The following MORC4 variants were observed in gnomAD, a reference collection of about 807,000 sequenced individuals.
MORC4 encodes the protein MORC family CW-type zinc finger 4, also known as MORC family CW-type zinc finger protein 4.
A neutral mutation model predicts 65.5 loss-of-function variants in MORC4; 22 were observed. That is an observed-to-expected ratio of 0.34 (90% CI 0.24 to 0.48). MORC4 has a LOEUF of 0.48. Ranked by LOEUF, MORC4 falls within the 20% of genes least tolerant of loss-of-function variation. The pLI is 0.99. For missense variants in MORC4, 624 were observed against 703.0 expected, an observed-to-expected ratio of 0.89 and a Z score of 1.27; for synonymous variants, 267 against 255.8, an observed-to-expected ratio of 1.04 and a Z score of -0.42.
At chrX:106,983,198 T>C (rs1320019807) in intron 5 of MORC4, among the ~76,000 whole-genome samples, 2 of 112,058 alleles carry the variant, frequency 1.8e-5, no homozygotes, top group South Asian at 3.7e-4. Flanking sequence ...TAGTACCATA[T>C]ACATAACTGG....
At chrX:106,961,984 A>G (rs372047984) in intron 10 of MORC4, 28 bp downstream of exon 10, 3 of 1,051,996 alleles carry the variant, frequency 2.9e-6, no homozygotes, top group East Asian at 6.0e-5. Flanking sequence ...TACCCCTAAT[A>G]CATTCATATT....
chrX:106,985,314 G>C lies in MORC4; in HGVS notation c.527-71C>G, dbSNP rs1418194496. ...ATTGAGAAGGAAGATCTGCCCTTTG[G>C]ATTGCATATTTAGACAAAACTATAG... is the stretch of plus-strand genomic sequence containing the variant. On this transcript the variant is annotated intron_variant, in intron 4 of 16. Transcript: ENST00000355610. 1.3e-5 allele frequency: 11 copies of C among 816,731 alleles called. No homozygotes were observed. The East Asian group carries it at 3.6e-4, about 27-fold the overall frequency. 67.3% of individuals were successfully genotyped at this position (816,731 alleles called of 1,213,427 possible).
intron 2 of MORC4, among the ~76,000 whole-genome samples, chrX:106,998,503 T>C (rs970148034): frequency 8.9e-6 from 1 of 112,150 alleles, no homozygotes; most frequent in Non-Finnish European, 1.9e-5. Flanking sequence ...CATCCCCCAC[T>C]ATGTAAATCA....
At chrX:106,980,828 C>T in intron 7 of MORC4, 63 bp downstream of exon 7, 3 of 1,091,764 alleles carry the variant, frequency 2.7e-6, no homozygotes, top group Non-Finnish European at 2.5e-6. Context: ...TCTGTGTCAA[C>T]CTGAAAACTT....
At chrX:106,994,179 G>A (rs942017480) in intron 2 of MORC4, among the ~76,000 whole-genome samples, 7 of 112,280 alleles carry the variant, frequency 6.2e-5, no homozygotes, top group African/African-American at 1.3e-4. Flanking sequence ...ATTGTGTCAC[G>A]TCCACAACCC....
At chrX:106,971,887 A>C (rs892945947) in intron 9 of MORC4, among the ~76,000 whole-genome samples, 3 of 112,306 alleles carry the variant, frequency 2.7e-5, no homozygotes, top group African/African-American at 9.7e-5. Context: ...AAATTAGTTC[A>C]ACCATTGTGG....
intron 10 of MORC4, 90 bp from the exon 11 acceptor site, chrX:106,958,554 A>T: frequency 1.3e-6 from 1 of 780,388 alleles, no homozygotes; most frequent in Non-Finnish European, 1.8e-6. Flanking sequence ...AAAAGAAAGA[A>T]CCTAATTTCA....
At position 106,943,189 on chromosome X, in the gene MORC4, G is replaced by A; in HGVS notation, c.1702C>T (p.Leu568=). 1 of 1,198,448 alleles carries A rather than the reference G, an allele frequency of 8.3e-7. No individual in the cohort carries two copies. The highest frequency in any genetic ancestry group is 1.1e-6 in the Non-Finnish European group (1 of 884,993). Reference sequence around the variant, plus strand: ...CGTTTCTCCACCGGTTCTTCACCTAGGATCCATTTGTACTTACTGCAAGAA... The same window carrying A: ...CGTTTCTCCACCGGTTCTTCACCTAAGATCCATTTGTACTTACTGCAAGAA... ...LQFSSKYKWI[L]GEEPVEKRRR... is the part of the protein sequence containing the mutation. Residue 568 remains leucine, a synonymous_variant, in exon 15 of 17, where the codon CTA becomes TTA. Coordinates refer to ENST00000355610, the MANE Select transcript of MORC4 (RefSeq NM_024657.5).
Position 106,985,991 on chromosome X carries a change from T to G in MORC4, c.518A>C (p.Gln173Pro). Residue 173 changes from glutamine (Q) to proline (P), a missense_variant, in exon 4 of 17, where the codon CAG becomes CCG. Transcript: ENST00000355610. ...AVIVPIVPFN[Q>P]QNKKMIITED... ...ATTTCCAGAAAGGATATTGTTTTGC[T>G]GGTTGAATGGAACAATTGGTACAAT... is the stretch of plus-strand genomic sequence containing the variant. 2.5e-6 allele frequency: 3 copies of G among 1,203,167 alleles called. No homozygotes were observed. Among genetic ancestry groups the G allele is most frequent in the Non-Finnish European group, 3.4e-6 (3 of 889,010 alleles).
chrX:106,993,316 A>G lies in MORC4; in HGVS notation c.222T>C (p.Asp74=). 2 of 1,210,375 alleles carry G rather than the reference A, an allele frequency of 1.7e-6. No individual in the cohort carries two copies. The highest frequency in any genetic ancestry group is 1.1e-6 in the Non-Finnish European group (1 of 894,154). ...AAGATTTATTCTTGACCTCCTCAAC[A>G]TCTATAAAGACCGTCCTGGCAGATA... ...PDVSARTVFI[D]VEEVKNKSCL... The change falls in exon 3 of 17, where the codon GAT becomes GAC. Residue 74 remains aspartate (D), a synonymous_variant. Coordinates refer to ENST00000355610, the MANE Select transcript of MORC4 (RefSeq NM_024657.5).
intron 9 of MORC4, among the ~76,000 whole-genome samples, chrX:106,975,538 AGACTT>A (rs1934605178): frequency 9.0e-6 from 1 of 111,647 alleles, no homozygotes; most frequent in Admixed American, 9.6e-5. Flanking sequence ...TTAAGGTACA[AGACTT>A]GACTTTATTA....
chrX:106,954,873 TAA>T, intron 14 of MORC4, 38 bp downstream of exon 14: 1 of 1,159,845 alleles, frequency 8.6e-7, no homozygotes. Flanking sequence ...AAACAGACTC[TAA>T]AGCTTACTAT....
At position 106,941,613 on chromosome X, in the gene MORC4, G is replaced by A. The variant is rs747662628; in HGVS notation, c.2680C>T (p.Arg894Trp). The change falls in exon 17 of 17, where the codon CGG (arginine) becomes TGG (tryptophan). Residue 894 changes from arginine to tryptophan, a missense_variant. By Grantham distance (101) the Arg-to-Trp change is moderately radical. Transcript: ENST00000355610. ...AGATAGCTGACGTGGATACGTAGCC[G>A]CGTAAGCTTTGCCAAAGCCCTGTAT... is the stretch of plus-strand genomic sequence containing the variant. ...DLERALAKLT[R>W]LRIHVSYLLT... 1.7e-5 allele frequency: 21 copies of A among 1,208,089 alleles called. No individual in the cohort carries two copies. The highest frequency in any genetic ancestry group is 3.0e-5 in the East Asian group (1 of 33,733).
rs1305698962 is a variant in MORC4, at chrX:106,993,306, C to T, written c.232G>A (p.Val78Ile). The T allele has an allele frequency of 8.3e-7, 1 of 1,209,166 alleles. No individual in the cohort carries two copies. The highest frequency in any genetic ancestry group is 2.2e-5 in the Admixed American group (1 of 46,072). Reference protein sequence around the residue: ...ARTVFIDVEEVKNKSCLTFTD... With the variant: ...ARTVFIDVEEIKNKSCLTFTD... ...AAGGTCAAACAAGATTTATTCTTGA[C>T]CTCCTCAACATCTATAAAGACCGTC... Residue 78 changes from valine to isoleucine, a missense_variant, in exon 3 of 17, where the codon GTC becomes ATC. Transcript: ENST00000355610.
intron 2 of MORC4, among the ~76,000 whole-genome samples, chrX:106,997,392 C>CA (rs1250562926): frequency 9.0e-6 from 1 of 111,541 alleles, no homozygotes; most frequent in African/African-American, 3.3e-5. Context: ...TTTCCTGAAG[C>CA]ACAGCTCTGA....
At chrX:106,971,532 C>G (rs1934510005) in intron 9 of MORC4, among the ~76,000 whole-genome samples, 1 of 112,149 alleles carries the variant, frequency 8.9e-6, no homozygotes, top group South Asian at 3.7e-4. Flanking sequence ...AACAAGCAAC[C>G]TACAGAATGG....
intron 9 of MORC4, among the ~76,000 whole-genome samples, chrX:106,965,584 C>A (rs1267751440): frequency 8.9e-6 from 1 of 111,830 alleles, no homozygotes; most frequent in Non-Finnish European, 1.9e-5. Context: ...AAGAGGGGTA[C>A]TACTATAACA....
Position 106,943,199 on chromosome X carries a change from G to A in MORC4, c.1692C>T (p.Tyr564=). 8.4e-7 allele frequency: 1 copy of A among 1,183,538 alleles called. No homozygotes were observed. Among genetic ancestry groups the A allele is most frequent in the Non-Finnish European group, 1.1e-6 (1 of 874,471 alleles). Residue 564 remains tyrosine, a synonymous_variant, in exon 15 of 17, where the codon TAC becomes TAT. Transcript: ENST00000355610. ...CCGGTTCTTCACCTAGGATCCATTT[G>A]TACTTACTGCAAGAAGAGGAAATTA... is the stretch of plus-strand genomic sequence containing the variant. ...DSSVLQFSSK[Y]KWILGEEPVE...
intron 9 of MORC4, among the ~76,000 whole-genome samples, chrX:106,974,805 CTCTT>C (rs758107141): frequency 1.8e-5 from 2 of 111,515 alleles, no homozygotes; most frequent in Non-Finnish European, 1.9e-5. Flanking sequence ...TCTAATCCCT[CTCTT>C]AAATTCCTTT....
Sources: gnomAD v4.1 joint callset for allele counts (sites outside exome capture counted in the v4.1 genomes callset) on GRCh38, gnomAD v4.1.1 for gene constraint, MANE v1.5 for transcripts, NCBI Gene and HGNC (gene_info 2026-07-23, HGNC 2026-07-21) for gene names.